CACNA2D1: variants seen among roughly 807,000 people sequenced by gnomAD.
CACNA2D1 encodes voltage-dependent calcium channel subunit alpha-2/delta-1.
CACNA2D1 carries 53 observed loss-of-function variants against 171.5 expected under a neutral mutation model. That is an observed-to-expected ratio of 0.31 (90% CI 0.25 to 0.39). The LOEUF is 0.39. CACNA2D1 is among the 10% of genes least tolerant of loss of function. The pLI is 1.00. For missense variants in CACNA2D1, 903 were observed against 1,299.8 expected, an observed-to-expected ratio of 0.69 and a Z score of 4.69; for synonymous variants, 442 against 443.1, an observed-to-expected ratio of 1.00 and a Z score of 0.03.
At chr7:82,146,118 T>A (rs536585101) in intron 4 of CACNA2D1, among the ~76,000 whole-genome samples, 61 of 151,350 alleles carry the variant, frequency 4.0e-4, no homozygotes, top group African/African-American at 1.4e-3. Flanking sequence ...CTAAGAGGAG[T>A]GGTCACATCG....
chr7:81,977,033 T>C (rs1165771946), intron 24 of CACNA2D1, among the ~76,000 whole-genome samples: 1 of 152,158 alleles, frequency 6.6e-6, no homozygotes, highest in Non-Finnish European at 1.5e-5. Flanking sequence ...CCTATTTGAA[T>C]ACCCTTTATT....
Position 82,085,102 on chromosome 7 carries a change from G to A in CACNA2D1, c.527-202C>T, listed in dbSNP as rs117186242. Among the ~76,000 whole-genome samples the A allele has an allele frequency of 6.3e-3, 957 of 152,242 alleles. 11 individuals are homozygous for A. Among genetic ancestry groups the A allele is most frequent in the East Asian group, 0.019 (98 of 5,178 alleles). On this transcript the variant is annotated intron_variant, in intron 6 of 38. Coordinates refer to ENST00000356860, the MANE Select transcript of CACNA2D1 (RefSeq NM_000722.4). ...TACCAACATGTACATAGTATTCATC[G>A]AAAGATGTTTTTCAAGAGGTTTATA...
At chr7:82,373,592 T>C (rs12670356) in intron 1 of CACNA2D1, among the ~76,000 whole-genome samples, 45,844 of 152,020 alleles carry the variant, frequency 0.3, 8,296 homozygotes, top group East Asian at 0.47. Flanking sequence ...TAAAATGTAA[T>C]AATCTTTGAC....
In CACNA2D1 at chr7:82,443,499, G is replaced by C. The variant is rs200428602; in HGVS notation, c.-40C>G. On this transcript the variant is annotated 5_prime_UTR_variant, in exon 1 of 39. Coordinates refer to ENST00000356860, the MANE Select transcript of CACNA2D1 (RefSeq NM_000722.4). ...ATCAATGCCCCCTCCCTGCCCAAGC[G>C]GGGGAAGGAGCGGCGCTGGAAACCG... The C allele has an allele frequency of 2.9e-3, 4,703 of 1,596,758 alleles. 12 individuals carry two copies. The highest frequency in any genetic ancestry group is 3.7e-3 in the Non-Finnish European group (4,329 of 1,171,840).
chr7:82,044,889 A>C lies in CACNA2D1; in HGVS notation c.880-6654T>G, dbSNP rs551306346. 4.1e-4 allele frequency among the ~76,000 whole-genome samples: 63 copies of C among 152,346 alleles called. No individual in the cohort carries two copies. In the Middle Eastern group the frequency reaches 0.02, roughly 49 times the overall value. ...CTAAAATCCGGATAAAATAGCTGAT[A>C]ACATTTATTCTTACATATGTGGATA... On this transcript the variant is annotated intron_variant, in intron 10 of 38. Coordinates refer to ENST00000356860, the MANE Select transcript of CACNA2D1 (RefSeq NM_000722.4).
chr7:82,066,941 T>C (rs1179579670), intron 7 of CACNA2D1, among the ~76,000 whole-genome samples: 2 of 152,124 alleles, frequency 1.3e-5, no homozygotes, highest in African/African-American at 2.4e-5. Flanking sequence ...AAGACAGCTG[T>C]TTTTCTTGGG....
At chr7:82,253,331 C>T (rs1585229817) in intron 3 of CACNA2D1, among the ~76,000 whole-genome samples, 1 of 152,076 alleles carries the variant, frequency 6.6e-6, no homozygotes, top group Non-Finnish European at 1.5e-5. Context: ...AAATGATAAG[C>T]GCATCATGTG....
chr7:82,034,906 TAAAG>T lies in CACNA2D1; in HGVS notation c.1039-2009_1039-2006del, dbSNP rs563196725. 1.5e-3 allele frequency among the ~76,000 whole-genome samples: 230 copies of T among 152,024 alleles called. 1 individual carries two copies. The highest frequency in any genetic ancestry group is 2.5e-3 in the Non-Finnish European group (173 of 67,928). Reference sequence around the variant, plus strand: ...CACAAAAGAAGGAATATGGGGAAAATAAAGAAATTGTTTTGCCTTCAACATGATT... The same window carrying T: ...CACAAAAGAAGGAATATGGGGAAAATAAATTGTTTTGCCTTCAACATGATT... On this transcript the variant is annotated intron_variant, in intron 11 of 38. Coordinates refer to ENST00000356860, the MANE Select transcript of CACNA2D1 (RefSeq NM_000722.4).
chr7:81,951,358 T>C (rs1218942539), intron 38 of CACNA2D1, among the ~76,000 whole-genome samples: 3 of 152,090 alleles, frequency 2.0e-5, no homozygotes, highest in African/African-American at 7.2e-5. Flanking sequence ...TATTTTTAAA[T>C]TTTATTTCAA....
At chr7:82,050,695 A>G (rs534940675) in intron 10 of CACNA2D1, 89 of 698,362 alleles carry the variant, frequency 1.3e-4, no homozygotes, top group Non-Finnish European at 2.0e-4. Context: ...AAGATTCATA[A>G]AGAAATGTCT....
chr7:82,374,738 C>A (rs548847438), intron 1 of CACNA2D1, among the ~76,000 whole-genome samples: 18 of 151,148 alleles, frequency 1.2e-4, no homozygotes, highest in Admixed American at 1.2e-3. Context: ...AAAGCACATA[C>A]CTGCTTTGAA....
intron 1 of CACNA2D1, among the ~76,000 whole-genome samples, chr7:82,403,332 T>C (rs1351352716): frequency 6.6e-6 from 1 of 152,220 alleles, no homozygotes; most frequent in Non-Finnish European, 1.5e-5. Context: ...GTTAGAATTT[T>C]TTTGGTAGCA....
intron 2 of CACNA2D1, among the ~76,000 whole-genome samples, chr7:82,335,555 T>C (rs1270568111): frequency 6.6e-6 from 1 of 152,146 alleles, no homozygotes; most frequent in Non-Finnish European, 1.5e-5. Flanking sequence ...CTGGGTATTA[T>C]CTGTCATCAG....
At chr7:81,980,171 GC>G (rs1562814411) in intron 24 of CACNA2D1, among the ~76,000 whole-genome samples, 3 of 5,574 alleles carry the variant, frequency 5.4e-4, no homozygotes. Context: ...CTAAAACCAA[GC>G]AAAAAAAAAA....
At chr7:82,365,262 C>A (rs1585667846) in intron 1 of CACNA2D1, among the ~76,000 whole-genome samples, 1 of 152,124 alleles carries the variant, frequency 6.6e-6, no homozygotes, top group African/African-American at 2.4e-5. Flanking sequence ...AAACTGTAAA[C>A]AATGCACTAT....
At chr7:82,058,609 C>T (rs2131364694) in intron 10 of CACNA2D1, among the ~76,000 whole-genome samples, 1 of 152,196 alleles carries the variant, frequency 6.6e-6, no homozygotes, top group South Asian at 2.1e-4. Flanking sequence ...TAAAATCAGA[C>T]TTAAATGAAT....
At chr7:82,226,561 C>G (rs1278617087) in intron 3 of CACNA2D1, among the ~76,000 whole-genome samples, 1 of 152,118 alleles carries the variant, frequency 6.6e-6, no homozygotes, top group East Asian at 1.9e-4. Flanking sequence ...GATTAAAAAG[C>G]AATTGAGCCA....
chr7:82,240,569 T>G (rs969629659), intron 3 of CACNA2D1, among the ~76,000 whole-genome samples: 1 of 152,142 alleles, frequency 6.6e-6, no homozygotes, highest in African/African-American at 2.4e-5. Flanking sequence ...ATCAAAGAAT[T>G]CTCACAAACC....
intron 4 of CACNA2D1, among the ~76,000 whole-genome samples, chr7:82,155,189 C>T (rs1794256086): frequency 6.6e-6 from 1 of 152,068 alleles, no homozygotes; most frequent in Admixed American, 6.6e-5. Flanking sequence ...GCTGTACAGC[C>T]TATGGAACCA....
Sources: gnomAD v4.1 joint callset for allele counts (sites outside exome capture counted in the v4.1 genomes callset) on GRCh38, gnomAD v4.1.1 for gene constraint, MANE v1.5 for transcripts, NCBI Gene and HGNC (gene_info 2026-07-23, HGNC 2026-07-21) for gene names.